Variants in COL4A4 observed in about 807,000 individuals in gnomAD.
COL4A4 encodes collagen alpha-4(IV) chain.
A neutral mutation model predicts 192.9 loss-of-function variants in COL4A4; 105 were observed. The ratio of observed to expected loss-of-function variants is 0.54; its 90% CI spans 0.46 to 0.64. The LOEUF is 0.64. Among genes scored for constraint, COL4A4 ranks in the 30% least tolerant of loss-of-function variants. The pLI is 0.00. For missense variants in COL4A4, 1,967 were observed against 2,169.3 expected, an observed-to-expected ratio of 0.91 and a Z score of 1.85; for synonymous variants, 762 against 769.9, an observed-to-expected ratio of 0.99 and a Z score of 0.17.
chr2:227,032,448 A>C (rs958714176), intron 38 of COL4A4, among the ~76,000 whole-genome samples, 172 bp from the exon 39 acceptor site: 1 of 152,226 alleles, frequency 6.6e-6, no homozygotes, highest in African/African-American at 2.4e-5. Flanking sequence ...CTTAGGACCT[A>C]TCACACTGGT....
chr2:227,008,326 AGCTGGTGTCCAAGCACC>A, intron 46 of COL4A4, 22 bp from the exon 47 acceptor site: 1 of 1,613,538 alleles, frequency 6.2e-7, no homozygotes, highest in Non-Finnish European at 8.5e-7. Flanking sequence ...AAGAAGAGAC[AGCTGGTGTCCAAGCACC>A]CCATGTAGGT....
At position 227,102,904 on chromosome 2, in the gene COL4A4, GAAAGCAATATTTCAGCAATAGGGA is replaced by G. The variant is rs1376723074; in HGVS notation, c.871-80_871-57del. The G allele has an allele frequency of 4.6e-4, 87 of 190,252 alleles. 1 individual carries two copies. The highest frequency in any genetic ancestry group is 6.7e-4 in the Non-Finnish European group (85 of 126,462). 11.8% of individuals were successfully genotyped at this position (190,252 alleles called of 1,614,324 possible). ...CAAGCAACAATATTTCAGCAATAGG[GAAAGCAATATTTCAGCAATAGGGA>G]AAAAAAACAAAATGAGAAACAAAAA... On this transcript the variant is annotated intron_variant, in intron 14 of 47. Coordinates refer to ENST00000396625, the MANE Select transcript of COL4A4 (RefSeq NM_000092.5).
At chr2:227,070,784 G>A (rs2058674647) in intron 25 of COL4A4, among the ~76,000 whole-genome samples, 1 of 151,638 alleles carries the variant, frequency 6.6e-6, no homozygotes, top group Admixed American at 6.6e-5. Flanking sequence ...TAGATGACGA[G>A]TTAGTGGGTG....
chr2:227,072,011 A>G (rs1219820747), intron 25 of COL4A4, among the ~76,000 whole-genome samples: 5 of 152,060 alleles, frequency 3.3e-5, no homozygotes, highest in African/African-American at 1.2e-4. Context: ...AAAGCATACT[A>G]AACTTAGAGC....
At chr2:227,009,359 ACTTAAGC>A (rs1962984528) in intron 46 of COL4A4, among the ~76,000 whole-genome samples, 1 of 152,202 alleles carries the variant, frequency 6.6e-6, no homozygotes, top group Admixed American at 6.5e-5. Flanking sequence ...GCAGCCAGGT[ACTTAAGC>A]CTTTGACTTG....
At chr2:227,041,849 AGAAAGAAAGAAAG>A (rs1971320097) in intron 37 of COL4A4, among the ~76,000 whole-genome samples, 3 of 29,974 alleles carry the variant, frequency 1.0e-4, no homozygotes, top group African/African-American at 5.8e-4. Flanking sequence ...AGAAAGAAAG[AGAAAGAAAGAAAG>A]AAAGAAAGAA....
intron 4 of COL4A4, among the ~76,000 whole-genome samples, chr2:227,130,130 G>A (rs2062352264): frequency 1.3e-5 from 2 of 152,230 alleles, no homozygotes; most frequent in Admixed American, 1.3e-4. Context: ...ACAATCCAGA[G>A]ACTGGACTTC....
intron 9 of COL4A4, among the ~76,000 whole-genome samples, chr2:227,109,830 C>CCTACCTATTTA (rs1172820616): frequency 1.3e-5 from 2 of 151,560 alleles, no homozygotes; most frequent in East Asian, 1.9e-4. Context: ...CAGTTAAGAC[C>CCTACCTATTTA]CAGAGATCAA....
chr2:227,066,260 A>G (rs1315353941), intron 25 of COL4A4, among the ~76,000 whole-genome samples: 5 of 152,050 alleles, frequency 3.3e-5, no homozygotes, highest in South Asian at 2.1e-4. Context: ...TGAAAGTGAC[A>G]GGGAGAATGG....
Position 227,008,069 on chromosome 2 carries a change from G to A in COL4A4, c.4758C>T (p.Pro1586=), listed in dbSNP as rs1024093641. Residue 1586 remains proline, a synonymous_variant, in exon 47 of 48, where the codon CCC becomes CCT. Transcript: ENST00000396625. ...GGCTCCTCCAGGTCTGCGGACATGGGGGGATGGACTGGTCCTGGCTGTGCA... is the reference window on the plus strand; with the variant it reads ...GGCTCCTCCAGGTCTGCGGACATGGAGGGATGGACTGGTCCTGGCTGTGCA... ...VAVHSQDQSI[P]PCPQTWRSLW... 5 of 1,614,054 alleles carry A rather than the reference G, an allele frequency of 3.1e-6. No individual in the cohort carries two copies. In the East Asian group the frequency reaches 8.9e-5, roughly 29 times the overall value.
intron 19 of COL4A4, among the ~76,000 whole-genome samples, chr2:227,096,793 A>G (rs983135854): frequency 6.6e-6 from 1 of 152,182 alleles, no homozygotes; most frequent in Non-Finnish European, 1.5e-5. Context: ...ATTTCACTGT[A>G]CCACATTATA....
intron 44 of COL4A4, among the ~76,000 whole-genome samples, chr2:227,020,880 C>CTTTTT (rs57119611): frequency 3.1e-4 from 39 of 127,586 alleles, no homozygotes; most frequent in South Asian, 5.0e-4. Flanking sequence ...ACACTTTTTT[C>CTTTTT]TTTTTTTTTT....
chr2:227,083,469 C>T (rs1218206115), intron 22 of COL4A4, among the ~76,000 whole-genome samples: 3 of 152,112 alleles, frequency 2.0e-5, no homozygotes, highest in East Asian at 1.9e-4. Context: ...TTTTTTGAGA[C>T]GGGGTCTCAC....
intron 1 of COL4A4, among the ~76,000 whole-genome samples, chr2:227,158,484 C>T (rs1431700433): frequency 6.6e-6 from 1 of 151,888 alleles, no homozygotes; most frequent in East Asian, 1.9e-4. Context: ...AAATTATATT[C>T]CATCAAAATA....
intron 25 of COL4A4, among the ~76,000 whole-genome samples, chr2:227,075,482 C>T (rs533880989): frequency 3.9e-5 from 6 of 152,212 alleles, no homozygotes; most frequent in East Asian, 1.9e-4. Flanking sequence ...ATTGATGGAA[C>T]ATATCTCAAA....
chr2:227,087,009 G>A (rs753743714), intron 22 of COL4A4, among the ~76,000 whole-genome samples: 5 of 152,064 alleles, frequency 3.3e-5, no homozygotes, highest in Admixed American at 6.5e-5. Context: ...GATTTTCTGG[G>A]GAAAATGGAA....
At chr2:227,057,377 G>T in intron 29 of COL4A4, 62 bp downstream of exon 29, 2 of 1,531,080 alleles carry the variant, frequency 1.3e-6, no homozygotes, top group South Asian at 1.2e-5. Flanking sequence ...AAGAGTAAAA[G>T]GGGAGCTTAT....
intron 22 of COL4A4, 45 bp from the exon 23 acceptor site, chr2:227,082,232 T>C: frequency 7.0e-7 from 1 of 1,425,388 alleles, no homozygotes; most frequent in South Asian, 1.1e-5. Flanking sequence ...TTGTGATGGA[T>C]CAACAGTTAC....
At chr2:227,055,036 C>T (rs1245893915) in intron 30 of COL4A4, among the ~76,000 whole-genome samples, 2 of 152,038 alleles carry the variant, frequency 1.3e-5, no homozygotes, top group Non-Finnish European at 2.9e-5. Flanking sequence ...GTGATCCACC[C>T]GCCTCAGCCT....
Sources: gnomAD v4.1 joint callset for allele counts (sites outside exome capture counted in the v4.1 genomes callset) on GRCh38, gnomAD v4.1.1 for gene constraint, MANE v1.5 for transcripts, NCBI Gene and HGNC (gene_info 2026-07-23, HGNC 2026-07-21) for gene names.